The following EXOC4 variants were observed in gnomAD, a reference collection of about 807,000 sequenced individuals.
EXOC4 encodes the protein SEC8-like 1.
In EXOC4, 71 loss-of-function variants were observed where a neutral mutation model predicts 107.2. That is an observed-to-expected ratio of 0.66 (90% confidence interval 0.55 to 0.81). EXOC4 has a LOEUF of 0.81. Ranked by LOEUF, EXOC4 falls within the 30% of genes least tolerant of loss-of-function variation. The pLI is 0.00. For synonymous variants in EXOC4, 456 were observed against 441.2 expected (o/e 1.03, Z -0.42); for missense variants, 1,108 against 1,189.6 (o/e 0.93, Z 1.01).
chr7:133,566,652 C>T (rs541490965), intron 9 of EXOC4, among the ~76,000 whole-genome samples: 1 of 152,306 alleles, frequency 6.6e-6, no homozygotes, highest in South Asian at 2.1e-4. Flanking sequence ...GTCTACTATA[C>T]ACTGCAGTAT....
chr7:133,584,784 G>A lies in EXOC4; in HGVS notation c.1418-45261G>A, dbSNP rs538102852. Among the ~76,000 whole-genome samples the A allele has an allele frequency of 6.6e-5, 10 of 151,930 alleles. No homozygotes were observed. In the South Asian group the frequency reaches 1.5e-3, roughly 22 times the overall value. ...AGTAGAGATGGGGTTTTGCCATGTT[G>A]GCCAGGCTGGTCTCGAACTCCTGAC... On this transcript the variant is annotated intron_variant, in intron 9 of 17. Transcript: ENST00000253861.
intron 17 of EXOC4, among the ~76,000 whole-genome samples, chr7:134,041,557 A>G (rs1795518737): frequency 6.6e-6 from 1 of 152,218 alleles, no homozygotes; most frequent in South Asian, 2.1e-4. Flanking sequence ...AGCTTGAACC[A>G]TTAAATTTAC....
At chr7:133,579,700 T>C (rs978181080) in intron 9 of EXOC4, among the ~76,000 whole-genome samples, 7 of 151,840 alleles carry the variant, frequency 4.6e-5, no homozygotes, top group African/African-American at 7.3e-5. Context: ...TTTTTTTTTT[T>C]TTCTTGAGAT....
intron 7 of EXOC4, among the ~76,000 whole-genome samples, chr7:133,446,015 TAAA>T (rs5887629): frequency 7.0e-6 from 1 of 141,908 alleles, no homozygotes; most frequent in African/African-American, 2.6e-5. Context: ...AACCCTGTCT[TAAA>T]AAAAAAAAAA....
chr7:134,025,964 TACTTAA>T (rs1399170448), intron 17 of EXOC4, among the ~76,000 whole-genome samples: 3 of 152,190 alleles, frequency 2.0e-5, no homozygotes, highest in Non-Finnish European at 4.4e-5. Context: ...GTCACCACTA[TACTTAA>T]ACTTCAGCCT....
intron 9 of EXOC4, among the ~76,000 whole-genome samples, chr7:133,592,108 C>T (rs1481458765): frequency 6.6e-6 from 1 of 152,098 alleles, no homozygotes; most frequent in Non-Finnish European, 1.5e-5. Flanking sequence ...CTTGCCCAGA[C>T]TGGAGTGCAG....
chr7:133,664,716 T>C (rs1793773671), intron 10 of EXOC4, among the ~76,000 whole-genome samples: 1 of 152,182 alleles, frequency 6.6e-6, no homozygotes, highest in South Asian at 2.1e-4. Context: ...CTATGCAGAA[T>C]TCACTTAAGG....
In EXOC4 at chr7:133,360,839, G is replaced by T. The variant is rs561815984; in HGVS notation, c.1007+4266G>T. ...ATTAGAAATAAAAATGCCTGTGGGG[G>T]TATGAATGTTCATAAAACTAAATTT... On this transcript the variant is annotated intron_variant, in intron 6 of 17. Transcript: ENST00000253861. 9.9e-5 allele frequency among the ~76,000 whole-genome samples: 15 copies of T among 152,194 alleles called. No homozygotes were observed. The East Asian group carries it at 2.5e-3, about 25-fold the overall frequency.
At chr7:134,062,696 T>C (rs2116634776) in intron 17 of EXOC4, among the ~76,000 whole-genome samples, 1 of 152,210 alleles carries the variant, frequency 6.6e-6, no homozygotes, top group South Asian at 2.1e-4. Flanking sequence ...AGAGTCTGTG[T>C]TGAACTTGAC....
At chr7:133,351,676 A>G (rs1447148374) in intron 5 of EXOC4, among the ~76,000 whole-genome samples, 2 of 151,702 alleles carry the variant, frequency 1.3e-5, no homozygotes, top group African/African-American at 4.8e-5. Flanking sequence ...TCTATTCTCT[A>G]TTTTATCTCT....
At chr7:133,675,620 G>A (rs1383964350) in intron 10 of EXOC4, among the ~76,000 whole-genome samples, 2 of 152,286 alleles carry the variant, frequency 1.3e-5, no homozygotes, top group Admixed American at 6.5e-5. Flanking sequence ...CTACTTCTAT[G>A]TGGACAAATC....
chr7:134,023,679 G>A (rs56394056), intron 17 of EXOC4, among the ~76,000 whole-genome samples: 4,065 of 152,164 alleles, frequency 0.027, 78 homozygotes, highest in Non-Finnish European at 0.044. Flanking sequence ...TAGCCATTGC[G>A]CTATACAGCT....
intron 13 of EXOC4, among the ~76,000 whole-genome samples, chr7:133,920,042 C>T (rs1799903708): frequency 6.6e-6 from 1 of 152,172 alleles, no homozygotes; most frequent in African/African-American, 2.4e-5. Context: ...ACATTCTTGC[C>T]AACATTTGAT....
chr7:133,885,320 A>G (rs1799059548), intron 11 of EXOC4, among the ~76,000 whole-genome samples: 1 of 152,028 alleles, frequency 6.6e-6, no homozygotes, highest in Non-Finnish European at 1.5e-5. Context: ...CTCAAAAAAA[A>G]AAAAAAAAGA....
At position 133,915,460 on chromosome 7, in the gene EXOC4, G is replaced by A. The variant is rs764969007; in HGVS notation, c.1872-2123G>A. ...TCAAATATTTGAAAGTATGTAATTAGATCCCTTCCTTCTCTGTCAGATAAG... is the reference window on the plus strand; with the variant it reads ...TCAAATATTTGAAAGTATGTAATTAAATCCCTTCCTTCTCTGTCAGATAAG... On this transcript the variant is annotated intron_variant, in intron 12 of 17. Coordinates refer to ENST00000253861, the MANE Select transcript of EXOC4 (RefSeq NM_021807.4). Among the ~76,000 whole-genome samples the A allele has an allele frequency of 2.0e-5, 3 of 152,214 alleles. No homozygotes were observed. In the East Asian group the frequency reaches 5.8e-4, roughly 29 times the overall value.
chr7:133,369,898 G>A (rs1031963466), intron 6 of EXOC4, among the ~76,000 whole-genome samples: 1 of 136,932 alleles, frequency 7.3e-6, no homozygotes, highest in Non-Finnish European at 1.5e-5. Flanking sequence ...TTTGCCTGCC[G>A]GGTTCAAGCG....
chr7:133,971,392 AG>A (rs1336990984), intron 14 of EXOC4, among the ~76,000 whole-genome samples: 47 of 143,032 alleles, frequency 3.3e-4, no homozygotes, highest in South Asian at 1.1e-3. Flanking sequence ...AGAGAGAGAG[AG>A]AGAGAGAGAA....
chr7:133,336,385 T>G (rs1295053884), intron 5 of EXOC4, among the ~76,000 whole-genome samples: 1 of 152,146 alleles, frequency 6.6e-6, no homozygotes, highest in Non-Finnish European at 1.5e-5. Context: ...GGGTCTATGC[T>G]CATATATAGT....
chr7:133,764,776 C>A (rs1461932392), intron 10 of EXOC4, among the ~76,000 whole-genome samples: 1 of 152,034 alleles, frequency 6.6e-6, no homozygotes, highest in Non-Finnish European at 1.5e-5. Flanking sequence ...TAAGATTGAT[C>A]AAGCTTTTGC....
Sources: gnomAD v4.1 joint callset for allele counts (sites outside exome capture counted in the v4.1 genomes callset) on GRCh38, gnomAD v4.1.1 for gene constraint, MANE v1.5 for transcripts, NCBI Gene and HGNC (gene_info 2026-07-23, HGNC 2026-07-21) for gene names.